The following PCDH11Y variants were observed in gnomAD, a reference collection of about 807,000 sequenced individuals.
The protein encoded by PCDH11Y is protocadherin-11 Y-linked.
For missense variants in PCDH11Y, 12 were observed against 224.8 expected (o/e 0.05, Z 6.05); for synonymous variants, 9 against 83.6 (o/e 0.11, Z 4.87).
upstream of PCDH11Y, among the ~76,000 whole-genome samples, chrY:5,054,657 T>C: frequency 3.1e-5 from 1 of 31,796 alleles, no homozygotes; most frequent in African/African-American, 1.2e-4. Flanking sequence ...TTTCTGCTTA[T>C]GTTTGCATGA....
At chrY:5,493,713 C>T in intron 2 of PCDH11Y, among the ~76,000 whole-genome samples, 1 of 33,223 alleles carries the variant, frequency 3.0e-5, no homozygotes, top group Non-Finnish European at 7.4e-5. Flanking sequence ...CACAGGAGGG[C>T]TTGTCACGTA....
At chrY:5,493,073 T>C in intron 2 of PCDH11Y, among the ~76,000 whole-genome samples, 1 of 33,609 alleles carries the variant, frequency 3.0e-5, no homozygotes, top group South Asian at 6.5e-4. Context: ...TACATTCTAA[T>C]AATTATTATT....
chrY:5,094,408 AT>A (rs2124634390), intron 1 of PCDH11Y, among the ~76,000 whole-genome samples: 1 of 31,914 alleles, frequency 3.1e-5, no homozygotes, highest in South Asian at 7.0e-4. Flanking sequence ...GTCAACTTAG[AT>A]ATCTCACCAA....
At chrY:5,044,361 G>A (rs1412833869) in intron 3 of PCDH11Y, among the ~76,000 whole-genome samples, 2 of 32,961 alleles carry the variant, frequency 6.1e-5, no homozygotes, top group Non-Finnish European at 7.5e-5. Flanking sequence ...CCTTCATTTC[G>A]TTATGTACCC....
At chrY:5,528,155 A>G in intron 3 of PCDH11Y, among the ~76,000 whole-genome samples, 1 of 32,514 alleles carries the variant, frequency 3.1e-5, no homozygotes, top group Non-Finnish European at 7.6e-5. Context: ...ATTTTAGTAC[A>G]GACTCTCATT....
At chrY:5,148,510 A>C in intron 2 of PCDH11Y, among the ~76,000 whole-genome samples, 1 of 32,790 alleles carries the variant, frequency 3.0e-5, no homozygotes, top group Non-Finnish European at 7.6e-5. Flanking sequence ...GACATGTGTT[A>C]AAAAATTTTT....
At chrY:5,095,452 A>G in intron 1 of PCDH11Y, among the ~76,000 whole-genome samples, 4 of 32,943 alleles carry the variant, frequency 1.2e-4, no homozygotes, top group Admixed American at 5.6e-4. Context: ...TCACTATATT[A>G]GCCACTCAGT....
intron 1 of PCDH11Y, among the ~76,000 whole-genome samples, chrY:5,063,714 G>C: frequency 1.5e-4 from 5 of 32,551 alleles, no homozygotes; most frequent in Non-Finnish European, 3.0e-4. Flanking sequence ...CTGGAGGAAG[G>C]AAAATATTGA....
At chrY:5,052,457 T>C (rs2052654127), upstream of PCDH11Y, among the ~76,000 whole-genome samples, 1 of 33,555 alleles carries the variant, frequency 3.0e-5, no homozygotes, top group Admixed American at 2.8e-4. Flanking sequence ...ATTGTGTGGT[T>C]TGAAATTTCT....
chrY:5,583,870 CA>C (rs2053452928), intron 4 of PCDH11Y, among the ~76,000 whole-genome samples: 1 of 22,433 alleles, frequency 4.5e-5, no homozygotes, highest in Non-Finnish European at 1.0e-4. Context: ...ATATCATTAA[CA>C]AACAAGAACA....
chrY:5,455,737 G>T (rs2053297551), intron 2 of PCDH11Y, among the ~76,000 whole-genome samples: 1 of 32,444 alleles, frequency 3.1e-5, no homozygotes, highest in Admixed American at 2.9e-4. Context: ...AGCAAGTCAG[G>T]GGTGCCACAC....
At chrY:5,520,977 T>C in intron 3 of PCDH11Y, among the ~76,000 whole-genome samples, 2 of 30,645 alleles carry the variant, frequency 6.5e-5, no homozygotes, top group African/African-American at 2.6e-4. Context: ...GATATGTGTA[T>C]GGCATGTGTC....
chrY:5,064,666 T>TTGTG lies in PCDH11Y; in HGVS notation c.636+7239_636+7242dup, dbSNP rs370211583. Among the ~76,000 whole-genome samples the TTGTG allele has an allele frequency of 0.027, 510 of 18,858 alleles. No individual in the cohort carries two copies. In the Middle Eastern group the frequency reaches 0.3, roughly 11 times the overall value. The allele number at this position is 18,858 out of a possible 37,273, so 50.6% of individuals were successfully genotyped here. On this transcript the variant is annotated intron_variant, in intron 1 of 1. Transcript: ENST00000215473. Reference sequence around the variant, plus strand: ...ATTTATTTTATATATACATACATACTTGTGTGTGTGTGTGTGTGTGTGTGT... The same window carrying TTGTG: ...ATTTATTTTATATATACATACATACTTGTGTGTGTGTGTGTGTGTGTGTGTGTGT...
intron 2 of PCDH11Y, among the ~76,000 whole-genome samples, chrY:5,149,695 C>T (rs1602876764): frequency 3.3e-5 from 1 of 30,347 alleles, no homozygotes; most frequent in East Asian, 8.9e-4. Flanking sequence ...CTGTGTGGGT[C>T]AGCAGAGTGG....
At chrY:5,067,673 C>G in intron 1 of PCDH11Y, among the ~76,000 whole-genome samples, 1 of 32,073 alleles carries the variant, frequency 3.1e-5, no homozygotes, top group South Asian at 7.0e-4. Context: ...TAATTAGATT[C>G]GATACAGCTA....
At chrY:5,737,934 C>T in exon 5 of PCDH11Y, 2 of 398,591 alleles carry the variant, frequency 5.0e-6, no homozygotes, top group Middle Eastern at 5.9e-4. Context: ...GGAAACACAT[C>T]CCTTGTAAAG....
chrY:5,144,907 A>G, intron 2 of PCDH11Y, among the ~76,000 whole-genome samples: 9 of 26,815 alleles, frequency 3.4e-4, no homozygotes, highest in African/African-American at 1.4e-3. Context: ...ATCAACAATT[A>G]TAGTATCTAT....
chrY:5,596,034 T>C (rs2053467059), intron 4 of PCDH11Y, among the ~76,000 whole-genome samples: 1 of 32,967 alleles, frequency 3.0e-5, no homozygotes, highest in Non-Finnish European at 7.5e-5. Flanking sequence ...TTGTTAGTAA[T>C]AAAGAGGAAA....
chrY:5,256,534 G>T, intron 2 of PCDH11Y, among the ~76,000 whole-genome samples: 1 of 33,181 alleles, frequency 3.0e-5, no homozygotes, highest in African/African-American at 1.2e-4. Flanking sequence ...TGGGTGTTTG[G>T]TGTTCGCATA....
Sources: gnomAD v4.1 joint callset for allele counts (sites outside exome capture counted in the v4.1 genomes callset) on GRCh38, gnomAD v4.1.1 for gene constraint, MANE v1.5 for transcripts, NCBI Gene and HGNC (gene_info 2026-07-23, HGNC 2026-07-21) for gene names.